The following TEX11 variants were observed in gnomAD, a reference collection of about 807,000 sequenced individuals.
The protein encoded by TEX11 is testis-expressed protein 11.
In TEX11, 7 loss-of-function variants were observed where a neutral mutation model predicts 84.4. That is an observed-to-expected ratio of 0.08 (90% CI 0.05 to 0.16). The LOEUF (loss-of-function observed/expected upper bound fraction) is 0.16. Ranked by LOEUF, TEX11 falls within the 10% of genes least tolerant of loss-of-function variation. The pLI is 1.00. For synonymous variants in TEX11, 264 were observed against 222.8 expected (o/e 1.18, Z -1.64); for missense variants, 551 against 660.5 (o/e 0.83, Z 1.82).
intron 9 of TEX11, 24 bp from the exon 10 acceptor site, chrX:70,744,243 T>C (rs5027633): frequency 1.5e-5 from 3 of 203,560 alleles, no homozygotes; most frequent in Non-Finnish European, 2.3e-5. Flanking sequence ...GGAAAAAAAA[T>C]ATATATATAT....
intron 11 of TEX11, among the ~76,000 whole-genome samples, chrX:70,734,236 T>A (rs749293132): frequency 1.8e-3 from 192 of 109,215 alleles, no homozygotes; most frequent in African/African-American, 6.2e-3. Flanking sequence ...CACACCAACA[T>A]GGCACAAGTA....
intron 11 of TEX11, among the ~76,000 whole-genome samples, chrX:70,738,608 C>T (rs764272250): frequency 6.3e-5 from 7 of 111,640 alleles, no homozygotes; most frequent in Non-Finnish European, 1.1e-4. Context: ...GGTATATACC[C>T]GAAGGATTAT....
intron 28 of TEX11, among the ~76,000 whole-genome samples, chrX:70,538,824 C>T (rs1297104726): frequency 9.3e-6 from 1 of 107,420 alleles, no homozygotes; most frequent in Non-Finnish European, 1.9e-5. Context: ...GTTTCCAGTT[C>T]TAAATTTTCT....
chrX:70,576,971 G>A (rs2088681909), intron 25 of TEX11, among the ~76,000 whole-genome samples: 1 of 111,835 alleles, frequency 8.9e-6, no homozygotes, highest in Non-Finnish European at 1.9e-5. Context: ...CAACAGGTCA[G>A]TGAAGCAGTG....
intron 8 of TEX11, among the ~76,000 whole-genome samples, chrX:70,817,811 A>AAAAGG (rs2091297296): frequency 1.8e-5 from 2 of 111,310 alleles, no homozygotes; most frequent in African/African-American, 6.5e-5. Flanking sequence ...GAAAGGAAAA[A>AAAAGG]AAAGGAAAGG....
At chrX:70,787,580 C>T (rs899707159) in intron 9 of TEX11, among the ~76,000 whole-genome samples, 2 of 110,381 alleles carry the variant, frequency 1.8e-5, no homozygotes, top group African/African-American at 6.6e-5. Flanking sequence ...CCGCCCACCT[C>T]GGCCTTCCAA....
intron 9 of TEX11, among the ~76,000 whole-genome samples, chrX:70,759,810 G>C (rs1392780664): frequency 9.0e-6 from 1 of 111,651 alleles, no homozygotes; most frequent in Non-Finnish European, 1.9e-5. Context: ...ATTAGGAAAA[G>C]AGGAAGTCAA....
At chrX:70,625,948 A>G (rs2089446337) in intron 18 of TEX11, among the ~76,000 whole-genome samples, 1 of 109,695 alleles carries the variant, frequency 9.1e-6, no homozygotes, top group African/African-American at 3.3e-5. Flanking sequence ...GGGTTTCACC[A>G]TGTTGGCCAG....
chrX:70,832,152 G>A (rs888121922), intron 8 of TEX11, among the ~76,000 whole-genome samples: 1 of 111,262 alleles, frequency 9.0e-6, no homozygotes, highest in African/African-American at 3.3e-5. Context: ...TGGTTTTCTG[G>A]CCTCAAATTC....
intron 9 of TEX11, among the ~76,000 whole-genome samples, chrX:70,774,438 C>T (rs768935380): frequency 9.0e-6 from 1 of 110,834 alleles, no homozygotes; most frequent in Non-Finnish European, 1.9e-5. Flanking sequence ...GAAGTCCTTG[C>T]TGATGATATG....
intron 15 of TEX11, among the ~76,000 whole-genome samples, chrX:70,677,705 G>A (rs956725181): frequency 9.1e-6 from 1 of 110,363 alleles, no homozygotes; most frequent in Non-Finnish European, 1.9e-5. Context: ...AAATCAGGAC[G>A]CTTGCCAGGC....
At chrX:70,825,405 T>C (rs1162158713) in intron 8 of TEX11, among the ~76,000 whole-genome samples, 1 of 109,347 alleles carries the variant, frequency 9.1e-6, no homozygotes, top group Non-Finnish European at 1.9e-5. Flanking sequence ...TGCTTGAAAA[T>C]CTCAACATAC....
rs368340442 is a variant in TEX11, at chrX:70,606,911, T to C, written c.1950+48A>G. ...CCCTTTACTATAGCCATAGTGGTTA[T>C]AGCCTTGTTGTGGTCCATACATGAG... On this transcript the variant is annotated intron_variant, in intron 23 of 29. Transcript: ENST00000374333. 3.2e-4 allele frequency: 281 copies of C among 872,495 alleles called. 1 individual carries two copies. The highest frequency in any genetic ancestry group is 4.4e-4 in the Non-Finnish European group (273 of 617,745). 71.9% of individuals were successfully genotyped at this position (872,495 alleles called of 1,213,427 possible). A position where few individuals can be genotyped will look rare whatever the true frequency, so the allele number is the denominator to read the frequency against.
chrX:70,560,853 GCTGTGACCA>G (rs2088359311), intron 25 of TEX11, among the ~76,000 whole-genome samples: 1 of 98,558 alleles, frequency 1.0e-5, no homozygotes. Flanking sequence ...CTCCCAAGTA[GCTGTGACCA>G]CTGTGACCAC....
chrX:70,521,382 G>A, the TEX11 span, among the ~76,000 whole-genome samples: 2 of 109,842 alleles, frequency 1.8e-5, no homozygotes, highest in Non-Finnish European at 1.9e-5. Flanking sequence ...ATGTTCACAC[G>A]ATTCTCCTGC....
At chrX:70,515,528 C>A in the TEX11 span, among the ~76,000 whole-genome samples, 2 of 112,260 alleles carry the variant, frequency 1.8e-5, no homozygotes, top group Non-Finnish European at 1.9e-5. Context: ...CACTGATGGA[C>A]ATTTGGGTTG....
In TEX11 at chrX:70,806,731, T is replaced by C. The variant is rs762720681; in HGVS notation, c.666A>G (p.Lys222=). ...TAAGCCAGAAAGAACTTTCTTCATA[T>C]TTATTATTCTTCTGGGTTTCTACTC... is the stretch of plus-strand genomic sequence containing the variant. ...NFGVETQKNN[K]YEESSFWLSQ... Residue 222 remains lysine (K), a synonymous_variant, in exon 9 of 30, where the codon AAA becomes AAG. Coordinates refer to ENST00000374333, the MANE Select transcript of TEX11 (RefSeq NM_031276.3). The C allele has an allele frequency of 5.9e-6, 7 of 1,184,632 alleles. No homozygotes were observed. In the East Asian group the frequency reaches 9.0e-5, roughly 15 times the overall value.
chrX:70,748,461 A>G (rs1368495306), intron 9 of TEX11, among the ~76,000 whole-genome samples: 1 of 111,958 alleles, frequency 8.9e-6, no homozygotes, highest in Non-Finnish European at 1.9e-5. Context: ...ATTTGTTGCC[A>G]TTGCTTTTGG....
At chrX:70,653,874 C>G (rs1397879870) in intron 16 of TEX11, among the ~76,000 whole-genome samples, 1 of 111,830 alleles carries the variant, frequency 8.9e-6, no homozygotes, top group Non-Finnish European at 1.9e-5. Context: ...TAACTACCAA[C>G]CCATAAAAGG....
Sources: gnomAD v4.1 joint callset for allele counts (sites outside exome capture counted in the v4.1 genomes callset) on GRCh38, gnomAD v4.1.1 for gene constraint, MANE v1.5 for transcripts, NCBI Gene and HGNC (gene_info 2026-07-23, HGNC 2026-07-21) for gene names.